EXOC3L2: variants seen among roughly 807,000 people sequenced by gnomAD.
EXOC3L2 encodes exocyst complex component 3-like protein 2.
Under a neutral mutation model 44.4 loss-of-function variants are expected in EXOC3L2, and 17 were observed. The ratio of observed to expected loss-of-function variants is 0.38; its 90% CI spans 0.26 to 0.57. The LOEUF (loss-of-function observed/expected upper bound fraction) is 0.57. Among genes scored for constraint, EXOC3L2 ranks in the 20% least tolerant of loss-of-function variants. The probability of loss-of-function intolerance (pLI) is 0.65; values close to 1 mark genes in which losing one functional copy is unlikely to be tolerated. For missense variants in EXOC3L2, 541 were observed against 588.4 expected, an observed-to-expected ratio of 0.92 and a Z score of 0.83; for synonymous variants, 256 against 253.7, an observed-to-expected ratio of 1.01 and a Z score of -0.09.
chr19:45,217,504 C>T (rs1291534500), intron 10 of EXOC3L2, 24 bp downstream of exon 10: 1 of 1,562,342 alleles, frequency 6.4e-7, no homozygotes, highest in Non-Finnish European at 8.6e-7. Flanking sequence ...TCTGAAACAC[C>T]CCCAACCGCG....
At chr19:45,214,701 G>A (rs982735705) in intron 11 of EXOC3L2, among the ~76,000 whole-genome samples, 2 of 151,786 alleles carry the variant, frequency 1.3e-5, no homozygotes, top group African/African-American at 2.4e-5. Context: ...CTGACCTCAG[G>A]TGATCCACCT....
intron 8 of EXOC3L2, 77 bp from the exon 9 acceptor site, chr19:45,218,396 C>G: frequency 7.0e-7 from 1 of 1,434,122 alleles, no homozygotes; most frequent in Non-Finnish European, 9.2e-7. Flanking sequence ...GTTCCTGCAA[C>G]CCTGCTCCGT....
rs374643486 is a variant in EXOC3L2, at chr19:45,238,903, T to C, written c.143A>G (p.Asn48Ser). 1.7e-4 allele frequency: 67 copies of C among 399,186 alleles called. No individual in the cohort carries two copies. Among genetic ancestry groups the C allele is most frequent in the Middle Eastern group, 1.3e-3 (2 of 1,590 alleles). The allele number at this position is 399,186 out of a possible 1,614,324, so 24.7% of individuals were successfully genotyped here. A position where few individuals can be genotyped will look rare whatever the true frequency, so the allele number is the denominator to read the frequency against. ...EEAGELGSLP[N>S]GTSCRRRATL... ...GGCGCGGCGGCGACAAGATGTTCCA[T>C]TGGGGAGGGACCCCAGCTCCCCGGC... The change falls in exon 2 of 12, where the codon AAT (asparagine) becomes AGT (serine). Residue 48 changes from asparagine to serine, a missense_variant. Transcript: ENST00000413988. The surrounding 1 kb of genome is among the most constrained non-coding windows in gnomAD (Gnocchi z 5.5).
intron 8 of EXOC3L2, among the ~76,000 whole-genome samples, chr19:45,223,573 C>T (rs1303387791): frequency 1.5e-4 from 22 of 150,370 alleles, no homozygotes; most frequent in Admixed American, 1.5e-3. Context: ...AAACTCCTGA[C>T]CTCAAGTGAT....
chr19:45,218,158 T>TGCG, intron 9 of EXOC3L2, 39 bp downstream of exon 9: 19 of 1,034,894 alleles, frequency 1.8e-5, no homozygotes, highest in Non-Finnish European at 2.4e-5. Context: ...TCCCCTCTTT[T>TGCG]CCCCCACCCC....
In EXOC3L2 at chr19:45,240,283, AT is replaced by A. The variant is rs1305371337; in HGVS notation, c.-16-1223del. On this transcript the variant is annotated intron_variant, in intron 1 of 11. Transcript: ENST00000413988. ...CCATGCCCACTTAATTAATTAATTAATTTATTTATTTATTTATTGAGACAGG... is the reference window on the plus strand; with the variant it reads ...CCATGCCCACTTAATTAATTAATTAATTATTTATTTATTTATTGAGACAGG... Among the ~76,000 whole-genome samples, 80 of 144,418 alleles carry A rather than the reference AT, an allele frequency of 5.5e-4. 1 individual carries two copies. Among genetic ancestry groups the A allele is most frequent in the Admixed American group, 1.8e-3 (26 of 14,786 alleles). 94.7% of individuals were successfully genotyped at this position (144,418 alleles called of 152,430 possible). A position where few individuals can be genotyped will look rare whatever the true frequency, so the allele number is the denominator to read the frequency against.
intron 1 of EXOC3L2, among the ~76,000 whole-genome samples, chr19:45,242,510 G>A (rs900917127): frequency 2.6e-4 from 40 of 151,942 alleles, no homozygotes; most frequent in African/African-American, 9.2e-4. Flanking sequence ...CTCCCTCCTC[G>A]GCCTCCCAAA....
intron 8 of EXOC3L2, among the ~76,000 whole-genome samples, chr19:45,223,478 G>C (rs1459999024): frequency 1.3e-5 from 2 of 151,862 alleles, no homozygotes; most frequent in Admixed American, 6.6e-5. Flanking sequence ...GAGTAGCTGG[G>C]AGTACAGGTG....
At chr19:45,232,301 C>T (rs1014543478) in intron 3 of EXOC3L2, among the ~76,000 whole-genome samples, 2 of 152,110 alleles carry the variant, frequency 1.3e-5, no homozygotes, top group South Asian at 4.1e-4. Context: ...ATATCCACCC[C>T]CAAACACCCC....
chr19:45,217,740 C>A (rs1186770254), intron 9 of EXOC3L2, 57 bp from the exon 10 acceptor site: 3 of 1,381,668 alleles, frequency 2.2e-6, no homozygotes, highest in Non-Finnish European at 9.3e-7. Context: ...GGACTCCCAT[C>A]CCGCCAGTCT....
rs112893656 is a variant in EXOC3L2, at chr19:45,226,838, C to T, written c.1583+824G>A. Among the ~76,000 whole-genome samples the T allele has an allele frequency of 9.0e-4, 134 of 149,540 alleles. 2 individuals are homozygous for T. The highest frequency in any genetic ancestry group is 3.3e-3 in the African/African-American group (132 of 40,082). ...CGCGATCTCAGCTCGCTGCAAGCTC[C>T]GCCTCCCAGGTTCACGCCATTCTCC... On this transcript the variant is annotated intron_variant, in intron 7 of 11. Coordinates refer to ENST00000413988, the MANE Select transcript of EXOC3L2 (RefSeq NM_001382422.1).
intron 7 of EXOC3L2, 89 bp from the exon 8 acceptor site, chr19:45,225,002 G>GC (rs1969941898): frequency 7.3e-7 from 1 of 1,367,838 alleles, no homozygotes. Context: ...GATCAGAGGG[G>GC]CACAGGGGTG....
intron 7 of EXOC3L2, among the ~76,000 whole-genome samples, chr19:45,227,028 C>T (rs971586310): frequency 1.3e-5 from 2 of 150,596 alleles, no homozygotes; most frequent in South Asian, 2.1e-4. Flanking sequence ...GCTGGGATTA[C>T]GGGTGTGAGC....
intron 7 of EXOC3L2, 67 bp downstream of exon 7, chr19:45,227,595 C>CCGGG (rs1237232366): frequency 7.3e-7 from 1 of 1,367,236 alleles, no homozygotes; most frequent in East Asian, 2.4e-5. Flanking sequence ...CACCCAGGAT[C>CCGGG]CGGGCATCCC....
chr19:45,238,999 C>T lies in EXOC3L2; in HGVS notation c.47G>A (p.Arg16Gln), dbSNP rs1054081171. 4.8e-5 allele frequency: 19 copies of T among 398,930 alleles called. No individual in the cohort carries two copies. The highest frequency in any genetic ancestry group is 4.9e-5 in the Non-Finnish European group (11 of 226,108). The allele number at this position is 398,930 out of a possible 1,614,324, so 24.7% of individuals were successfully genotyped here. ...NLGVSDPKVP[R>Q]AGTLPLRSSR... is the part of the protein sequence containing the mutation. ...GGACCTCAGGGGCAGGGTCCCCGCC[C>T]GGGGCACCTTAGGGTCTGACACTCC... Residue 16 changes from arginine (R) to glutamine (Q), a missense_variant, in exon 2 of 12, where the codon CGG (arginine) becomes CAG (glutamine). Transcript: ENST00000413988. The surrounding 1 kb of genome is among the most constrained non-coding windows in gnomAD (Gnocchi z 5.5).
intron 4 of EXOC3L2, among the ~76,000 whole-genome samples, chr19:45,229,701 C>T (rs1385960210): frequency 2.7e-5 from 4 of 149,436 alleles, no homozygotes; most frequent in South Asian, 2.1e-4. Flanking sequence ...CAAAATTAGC[C>T]GGGCATGGTG....
At chr19:45,243,463 C>G (rs2122997965) in intron 1 of EXOC3L2, among the ~76,000 whole-genome samples, 1 of 152,262 alleles carries the variant, frequency 6.6e-6, no homozygotes, top group African/African-American at 2.4e-5. Context: ...TGCTGCTTCT[C>G]AACCCTCCAG....
intron 7 of EXOC3L2, among the ~76,000 whole-genome samples, chr19:45,225,527 C>T (rs1260542527): frequency 6.6e-6 from 1 of 152,092 alleles, no homozygotes; most frequent in Non-Finnish European, 1.5e-5. Flanking sequence ...CTTGGCCTCC[C>T]AAAGTGCTGG....
rs545785402 is a variant in EXOC3L2 at position 45,235,726 on chromosome 19, C to G, written c.524-900G>C. On this transcript the variant is annotated intron_variant, in intron 2 of 11. Coordinates refer to ENST00000413988, the MANE Select transcript of EXOC3L2 (RefSeq NM_001382422.1). Reference sequence around the variant, plus strand: ...CCTGGCCAGCGCTATTTCTGCCCATCCGTTTCCAGAAGGCGGGGCTCTAGT... The same window carrying G: ...CCTGGCCAGCGCTATTTCTGCCCATGCGTTTCCAGAAGGCGGGGCTCTAGT... Among the ~76,000 whole-genome samples, 36 of 152,324 alleles carry G rather than the reference C, an allele frequency of 2.4e-4. No homozygotes were observed. In the South Asian group the frequency reaches 7.3e-3, roughly 31 times the overall value.
Sources: gnomAD v4.1 joint callset for allele counts (sites outside exome capture counted in the v4.1 genomes callset) on GRCh38, gnomAD v4.1.1 for gene constraint, Gnocchi (gnomAD v3.1) non-coding constraint, MANE v1.5 for transcripts, NCBI Gene and HGNC (gene_info 2026-07-23, HGNC 2026-07-21) for gene names.